ARL15: variants seen among roughly 807,000 people sequenced by gnomAD.
ARL15 encodes ADP-ribosylation factor-like protein 15.
Under a neutral mutation model 25.2 loss-of-function variants are expected in ARL15, and 19 were observed. That is an observed-to-expected ratio of 0.75 (90% CI 0.53 to 1.10). The LOEUF (loss-of-function observed/expected upper bound fraction) is 1.10. Ranked by LOEUF, ARL15 falls within the 50% of genes least tolerant of loss-of-function variation. The pLI is 0.00. For synonymous variants in ARL15, 94 were observed against 86.8 expected, an observed-to-expected ratio of 1.08 and a Z score of -0.46; for missense variants, 220 against 246.0, an observed-to-expected ratio of 0.89 and a Z score of 0.71.
chr5:54,248,871 C>G (rs1757163143), intron 1 of ARL15, among the ~76,000 whole-genome samples: 3 of 151,968 alleles, frequency 2.0e-5, no homozygotes. Context: ...GAGAAAAAGG[C>G]CAAGCATGGA....
intron 4 of ARL15, among the ~76,000 whole-genome samples, chr5:53,961,907 C>T (rs1316836962): frequency 6.6e-6 from 1 of 152,152 alleles, no homozygotes; most frequent in East Asian, 1.9e-4. Context: ...CTTTCGATAG[C>T]AGCACATATT....
intron 4 of ARL15, among the ~76,000 whole-genome samples, chr5:54,087,558 G>A (rs1752008619): frequency 6.6e-6 from 1 of 152,154 alleles, no homozygotes; most frequent in Non-Finnish European, 1.5e-5. Context: ...AGGAATAGCA[G>A]AGGTATTAAG....
At chr5:54,018,311 T>C (rs1402567261) in intron 4 of ARL15, among the ~76,000 whole-genome samples, 1 of 152,200 alleles carries the variant, frequency 6.6e-6, no homozygotes, top group East Asian at 1.9e-4. Flanking sequence ...TAATTTGGTG[T>C]TTCCTGTAGT....
At chr5:54,011,938 G>A (rs1161088710) in intron 4 of ARL15, among the ~76,000 whole-genome samples, 1 of 151,994 alleles carries the variant, frequency 6.6e-6, no homozygotes, top group Non-Finnish European at 1.5e-5. Context: ...GAAACCAGGA[G>A]GCCAAGGTTG....
intron 4 of ARL15, among the ~76,000 whole-genome samples, chr5:53,928,970 C>T (rs562143218): frequency 2.0e-5 from 3 of 152,210 alleles, no homozygotes; most frequent in South Asian, 2.1e-4. Flanking sequence ...ATAGGGCCCA[C>T]GTATTTATAC....
At chr5:54,261,690 A>G (rs1757500641) in intron 1 of ARL15, among the ~76,000 whole-genome samples, 1 of 152,174 alleles carries the variant, frequency 6.6e-6, no homozygotes, top group Non-Finnish European at 1.5e-5. Flanking sequence ...ATTGAGGCTC[A>G]GGACAGATAA....
chr5:54,000,802 A>T (rs1748828736), intron 4 of ARL15, among the ~76,000 whole-genome samples: 2 of 152,172 alleles, frequency 1.3e-5, no homozygotes, highest in Admixed American at 1.3e-4. Flanking sequence ...ATTTCTCTAT[A>T]TAAACCCTTC....
intron 1 of ARL15, among the ~76,000 whole-genome samples, chr5:54,220,033 A>G (rs988879370): frequency 3.9e-5 from 6 of 152,228 alleles, no homozygotes; most frequent in Non-Finnish European, 8.8e-5. Flanking sequence ...GTATGGAAAC[A>G]AGAAATTCCT....
At chr5:54,238,580 C>A (rs1462462351) in intron 1 of ARL15, among the ~76,000 whole-genome samples, 1 of 152,086 alleles carries the variant, frequency 6.6e-6, no homozygotes, top group Non-Finnish European at 1.5e-5. Flanking sequence ...TCTCTAAAGC[C>A]ATCTTAAGTT....
At chr5:53,902,193 G>A (rs1745088449) in intron 4 of ARL15, among the ~76,000 whole-genome samples, 1 of 152,142 alleles carries the variant, frequency 6.6e-6, no homozygotes, top group South Asian at 2.1e-4. Context: ...AACTTTTTCT[G>A]TTATACGAGG....
chr5:54,087,956 G>A (rs765892065), intron 4 of ARL15, among the ~76,000 whole-genome samples: 14 of 152,180 alleles, frequency 9.2e-5, no homozygotes, highest in African/African-American at 2.4e-4. Flanking sequence ...GATTATAGGC[G>A]TGAGCCACTG....
chr5:53,991,253 T>C (rs558157665), intron 4 of ARL15, among the ~76,000 whole-genome samples: 1 of 151,988 alleles, frequency 6.6e-6, no homozygotes, highest in Non-Finnish European at 1.5e-5. Flanking sequence ...TAAAAGGAAT[T>C]GAAGCAGGCC....
chr5:54,290,434 G>A (rs546979217), intron 1 of ARL15, among the ~76,000 whole-genome samples: 15 of 151,790 alleles, frequency 9.9e-5, no homozygotes, highest in African/African-American at 3.6e-4. Flanking sequence ...AGCCTCCTGA[G>A]TAGCTTGGGA....
At chr5:54,258,853 G>C (rs1440101246) in intron 1 of ARL15, among the ~76,000 whole-genome samples, 1 of 152,202 alleles carries the variant, frequency 6.6e-6, no homozygotes, top group Non-Finnish European at 1.5e-5. Context: ...GTGGGGAAAC[G>C]GGGGCAGTGT....
At chr5:54,043,579 T>A (rs1750409740) in intron 4 of ARL15, among the ~76,000 whole-genome samples, 1 of 152,124 alleles carries the variant, frequency 6.6e-6, no homozygotes, top group African/African-American at 2.4e-5. Flanking sequence ...TCCAGATACA[T>A]GATGATAGAA....
intron 1 of ARL15, among the ~76,000 whole-genome samples, chr5:54,234,054 G>A (rs903182246): frequency 6.6e-6 from 1 of 152,012 alleles, no homozygotes; most frequent in South Asian, 2.1e-4. Context: ...CTGGTACAAC[G>A]GCAAGATCTC....
intron 1 of ARL15, among the ~76,000 whole-genome samples, chr5:54,185,815 C>T (rs1244474318): frequency 2.0e-5 from 3 of 152,050 alleles, no homozygotes; most frequent in Non-Finnish European, 2.9e-5. Flanking sequence ...CCAAAGAAAA[C>T]TTATTTTTAT....
chr5:54,176,617 C>T (rs774913748), intron 1 of ARL15, among the ~76,000 whole-genome samples: 12 of 152,082 alleles, frequency 7.9e-5, no homozygotes, highest in African/African-American at 4.8e-5. Flanking sequence ...TGACAGCAAG[C>T]GGCAAACTCA....
At chr5:53,891,444 C>A (rs1458388620) in intron 4 of ARL15, among the ~76,000 whole-genome samples, 1 of 152,188 alleles carries the variant, frequency 6.6e-6, no homozygotes, top group Non-Finnish European at 1.5e-5. Context: ...GAGTTAGATG[C>A]CATGGGCAAC....
Sources: allele counts gnomAD v4.1 joint callset (sites outside exome capture counted in the v4.1 genomes callset), GRCh38; gene constraint gnomAD v4.1.1; transcripts MANE v1.5; gene names NCBI Gene and HGNC (gene_info 2026-07-23, HGNC 2026-07-21).